Variants in TNFAIP8 observed in about 807,000 individuals in gnomAD.
TNFAIP8 encodes tumor necrosis factor alpha-induced protein 8.
TNFAIP8 carries 7 observed loss-of-function variants against 13.3 expected under a neutral mutation model. The observed-to-expected ratio is 0.52, with a 90% confidence interval of 0.30 to 0.99. The LOEUF (loss-of-function observed/expected upper bound fraction) is 0.99, where lower values mean the gene tolerates loss of function less well. Among genes scored for constraint, TNFAIP8 ranks in the 50% least tolerant of loss-of-function variants. The probability of loss-of-function intolerance (pLI) is 0.07; values close to 1 mark genes in which losing one functional copy is unlikely to be tolerated. For missense variants in TNFAIP8, 258 were observed against 236.9 expected, an observed-to-expected ratio of 1.09 and a Z score of -0.58; for synonymous variants, 94 against 87.6, an observed-to-expected ratio of 1.07 and a Z score of -0.41.
At chr5:119,358,367 T>C (rs1228739096) in intron 1 of TNFAIP8, among the ~76,000 whole-genome samples, 2 of 152,204 alleles carry the variant, frequency 1.3e-5, no homozygotes, top group African/African-American at 4.8e-5. Flanking sequence ...TGTTAAGCCA[T>C]CAGAGCTTAA....
intron 1 of TNFAIP8, among the ~76,000 whole-genome samples, chr5:119,271,547 C>G (rs1008711190): frequency 2.0e-5 from 3 of 152,148 alleles, no homozygotes; most frequent in Admixed American, 6.5e-5. Flanking sequence ...GGGATAACCT[C>G]CAGGAGACGG....
intron 1 of TNFAIP8, among the ~76,000 whole-genome samples, chr5:119,342,765 T>TG (rs1054598456): frequency 3.3e-5 from 5 of 152,220 alleles, no homozygotes; most frequent in African/African-American, 1.2e-4. Context: ...ATTCTCTACC[T>TG]GGGGGCATTT....
chr5:119,341,741 G>T (rs952208510), intron 1 of TNFAIP8, among the ~76,000 whole-genome samples: 6 of 152,086 alleles, frequency 3.9e-5, no homozygotes, highest in Non-Finnish European at 1.5e-5. Flanking sequence ...GGCTGAATCT[G>T]TTTAGAGAAG....
At position 119,395,894 on chromosome 5, in the gene TNFAIP8, A is replaced by T. The variant is rs1239117223; in HGVS notation, c.*2513A>T. On this transcript the variant is annotated 3_prime_UTR_variant, in exon 2 of 2. Coordinates refer to ENST00000504771, the MANE Select transcript of TNFAIP8 (RefSeq NM_014350.4). ...AGTATCTGTTCACGTTTTGAAAAAA[A>T]TTGTGTTGTAATTGATTTTATTTTG... 1 of 152,198 alleles carries T rather than the reference A, an allele frequency of 6.6e-6. No individual in the cohort carries two copies. The highest frequency in any genetic ancestry group is 2.4e-5 in the African/African-American group (1 of 41,440). The allele number at this position is 152,198 out of a possible 1,614,324, so 9.4% of individuals were successfully genotyped here. A position where few individuals can be genotyped will look rare whatever the true frequency, so the allele number is the denominator to read the frequency against.
At chr5:119,289,207 G>T (rs530780646) in intron 1 of TNFAIP8, among the ~76,000 whole-genome samples, 3 of 152,212 alleles carry the variant, frequency 2.0e-5, no homozygotes, top group Non-Finnish European at 4.4e-5. Flanking sequence ...CTATAATTTC[G>T]CAAAGGGATA....
intron 1 of TNFAIP8, among the ~76,000 whole-genome samples, chr5:119,316,768 G>A (rs1475487008): frequency 6.6e-6 from 1 of 152,176 alleles, no homozygotes; most frequent in Admixed American, 6.5e-5. Flanking sequence ...TTAAGAACCA[G>A]TGCTCGAGAA....
chr5:119,347,493 A>G (rs931190771), intron 1 of TNFAIP8, among the ~76,000 whole-genome samples: 2 of 152,178 alleles, frequency 1.3e-5, no homozygotes, highest in Non-Finnish European at 2.9e-5. Context: ...ACTTAATATC[A>G]TCTTTTTTAG....
chr5:119,334,139 C>CA (rs57346323), intron 1 of TNFAIP8, among the ~76,000 whole-genome samples: 15,632 of 104,222 alleles, frequency 0.15, 1,508 homozygotes, highest in African/African-American at 0.3. Flanking sequence ...CTCTAACAAC[C>CA]AAAAAAAAAA....
At chr5:119,355,987 C>A, upstream of TNFAIP8, 1 of 1,514,990 alleles carries the variant, frequency 6.6e-7, no homozygotes. Context: ...TGGCTTTCTT[C>A]CTTTTATTTT....
intron 1 of TNFAIP8, chr5:119,306,691 G>C (rs1749577513): frequency 6.6e-6 from 1 of 152,096 alleles, no homozygotes; most frequent in Admixed American, 6.5e-5. Flanking sequence ...TTTCCTAGGA[G>C]TGATTTTCCC....
At chr5:119,332,651 G>C (rs1004443741) in intron 1 of TNFAIP8, among the ~76,000 whole-genome samples, 2 of 152,212 alleles carry the variant, frequency 1.3e-5, no homozygotes, top group Non-Finnish European at 2.9e-5. Context: ...GCTAAAGGAA[G>C]AGATTGAGAT....
At chr5:119,371,494 T>A (rs1234767196) in intron 1 of TNFAIP8, among the ~76,000 whole-genome samples, 1 of 152,216 alleles carries the variant, frequency 6.6e-6, no homozygotes, top group African/African-American at 2.4e-5. Flanking sequence ...CAAGCATAAC[T>A]GCTAGACTGG....
intron 1 of TNFAIP8, among the ~76,000 whole-genome samples, chr5:119,342,920 C>G (rs1750789293): frequency 6.6e-6 from 1 of 152,178 alleles, no homozygotes; most frequent in South Asian, 2.1e-4. Context: ...GAATTCCCAT[C>G]TGGGATTTAT....
chr5:119,284,435 C>T (rs1393518012), intron 1 of TNFAIP8, among the ~76,000 whole-genome samples: 1 of 152,152 alleles, frequency 6.6e-6, no homozygotes, highest in Non-Finnish European at 1.5e-5. Context: ...AATCCCAGCA[C>T]TTTGGGAGGC....
intron 1 of TNFAIP8, among the ~76,000 whole-genome samples, chr5:119,371,815 A>G (rs1167229140): frequency 2.0e-5 from 3 of 151,886 alleles, no homozygotes; most frequent in Admixed American, 6.6e-5. Flanking sequence ...GTGGTCCAAG[A>G]GTTCGAGACC....
chr5:119,268,954 C>A, intron 1 of TNFAIP8: 1 of 675,398 alleles, frequency 1.5e-6, no homozygotes, highest in South Asian at 1.5e-5. Context: ...TCCAGCGCGC[C>A]TCTCCCGCCG....
At chr5:119,372,843 C>T (rs916751369) in intron 1 of TNFAIP8, among the ~76,000 whole-genome samples, 3 of 152,076 alleles carry the variant, frequency 2.0e-5, no homozygotes, top group African/African-American at 7.2e-5. Flanking sequence ...CACCTGTAAT[C>T]CCAGCTACTC....
intron 1 of TNFAIP8, among the ~76,000 whole-genome samples, chr5:119,303,625 C>T (rs1171237572): frequency 1.3e-5 from 2 of 152,148 alleles, no homozygotes; most frequent in East Asian, 3.9e-4. Context: ...ATGCTTGCTT[C>T]AGACAAGTAG....
chr5:119,352,465 A>G (rs2112761731), upstream of TNFAIP8, among the ~76,000 whole-genome samples: 1 of 152,334 alleles, frequency 6.6e-6, no homozygotes, highest in Non-Finnish European at 1.5e-5. Context: ...GTTTTTGCGA[A>G]CTAGAGGCTA....
Sources: allele counts gnomAD v4.1 joint callset (sites outside exome capture counted in the v4.1 genomes callset), GRCh38; gene constraint gnomAD v4.1.1; transcripts MANE v1.5; gene names NCBI Gene and HGNC (gene_info 2026-07-23, HGNC 2026-07-21).